The following MRI1 variants were observed in gnomAD, a reference collection of about 807,000 sequenced individuals.
The protein encoded by MRI1 is methylthioribose-1-phosphate isomerase 1, also known as methylthioribose-1-phosphate isomerase.
MRI1 carries 32 observed loss-of-function variants against 27.3 expected under a neutral mutation model. The ratio of observed to expected loss-of-function variants is 1.17; its 90% confidence interval spans 0.88 to 1.57. The LOEUF (loss-of-function observed/expected upper bound fraction) is 1.57, where lower values mean the gene tolerates loss of function less well. Ranked by LOEUF, MRI1 falls within the 40% of genes most tolerant of loss-of-function variation. MRI1 has a pLI of 0.00. For missense variants in MRI1, 508 were observed against 516.1 expected (o/e 0.98, Z 0.15); for synonymous variants, 216 against 227.4 (o/e 0.95, Z 0.45).
Position 13,768,947 on chromosome 19 carries a change from C to A in MRI1, c.848C>A (p.Ser283Tyr), listed in dbSNP as rs1463516884. 1 of 1,614,152 alleles carries A rather than the reference C, an allele frequency of 6.2e-7. No homozygotes were observed. The highest frequency in any genetic ancestry group is 1.1e-5 in the South Asian group (1 of 91,080). The change falls in exon 5 of 6, where the codon TCT becomes TAT. Residue 283 changes from serine (S) to tyrosine (Y), a missense_variant. By Grantham distance (144) the Ser-to-Tyr change is moderately radical (BLOSUM62 -2). Coordinates refer to ENST00000040663, the MANE Select transcript of MRI1 (RefSeq NM_001031727.4). ...CCCTTCTACGTGGCTGCCCCCAGCT[C>A]TTCATGTGACCTCCGTCTGGAGACC... is the stretch of plus-strand genomic sequence containing the variant. ...GIPFYVAAPS[S>Y]SCDLRLETGK... is the part of the protein sequence containing the mutation.
intron 2 of MRI1, 113 bp downstream of exon 2, chr19:13,765,222 C>G (rs1309676299): frequency 1.0e-5 from 9 of 893,958 alleles, no homozygotes; most frequent in Non-Finnish European, 1.4e-5. Flanking sequence ...CCTTAAGTCC[C>G]TTGTCCAGGG....
At chr19:13,768,371 G>C in intron 3 of MRI1, 190 bp from the exon 4 acceptor site, 1 of 1,473,554 alleles carries the variant, frequency 6.8e-7, no homozygotes, top group Non-Finnish European at 9.3e-7. Context: ...GTGAAACGGA[G>C]CTATGCGAGC....
At chr19:13,767,923 C>T (rs532366392) in intron 3 of MRI1, among the ~76,000 whole-genome samples, 3 of 127,500 alleles carry the variant, frequency 2.4e-5, no homozygotes, top group East Asian at 5.2e-4. Context: ...GGCTGGAGTG[C>T]AGTGGCGCAG....
chr19:13,767,033 ATATATTTTTTTTT>A (rs1231215621), intron 3 of MRI1, among the ~76,000 whole-genome samples: 10 of 17,196 alleles, frequency 5.8e-4, no homozygotes, highest in African/African-American at 2.7e-3. Flanking sequence ...ATATATATAT[ATATATTTTTTTTT>A]TTTTTTTTTT....
chr19:13,772,143 C>T lies in MRI1; in HGVS notation c.972C>T (p.Ala324=), dbSNP rs1285005530. 1.2e-6 allele frequency: 2 copies of T among 1,613,336 alleles called. No individual in the cohort carries two copies. The highest frequency in any genetic ancestry group is 1.1e-5 in the South Asian group (1 of 90,958). The change falls in exon 6 of 6, where the codon GCC becomes GCT. Residue 324 remains alanine, a synonymous_variant. Coordinates refer to ENST00000040663, the MANE Select transcript of MRI1 (RefSeq NM_001031727.4). Reference sequence around the variant, plus strand: ...CAGGGATTGGAGTTTGGAATCCTGCCTTCGATGTCACCCCCCACGACCTCA... The same window carrying T: ...CAGGGATTGGAGTTTGGAATCCTGCTTTCGATGTCACCCCCCACGACCTCA... ...AAPGIGVWNP[A]FDVTPHDLIT...
chr19:13,772,416 G>A lies in MRI1; in HGVS notation c.*135G>A, dbSNP rs770091366. ...GAGCTCAGACAGGGCCTTCCATCTAGAGCCCAGCACCTAGAGCCAGGCTGC... is the reference window on the plus strand; with the variant it reads ...GAGCTCAGACAGGGCCTTCCATCTAAAGCCCAGCACCTAGAGCCAGGCTGC... On this transcript the variant is annotated 3_prime_UTR_variant, in exon 6 of 6. Transcript: ENST00000040663. 1.2e-5 allele frequency: 10 copies of A among 805,788 alleles called. No individual in the cohort carries two copies. The highest frequency in any genetic ancestry group is 1.9e-5 in the Non-Finnish European group (10 of 526,976). 49.9% of individuals were successfully genotyped at this position (805,788 alleles called of 1,614,324 possible).
At chr19:13,766,494 G>T (rs1301751501) in intron 3 of MRI1, among the ~76,000 whole-genome samples, 1 of 152,186 alleles carries the variant, frequency 6.6e-6, no homozygotes, top group East Asian at 1.9e-4. Flanking sequence ...CATTCGATGG[G>T]CCCCGCCTGA....
intron 3 of MRI1, among the ~76,000 whole-genome samples, chr19:13,768,147 C>T (rs534640389): frequency 1.3e-5 from 2 of 151,930 alleles, no homozygotes; most frequent in East Asian, 1.9e-4. Flanking sequence ...GGATTACAGG[C>T]GTGAGCCACC....
chr19:13,765,147 AATTAT>A lies in MRI1; in HGVS notation c.371+42_371+46del, dbSNP rs781594590. On this transcript the variant is annotated intron_variant, in intron 2 of 5. Coordinates refer to ENST00000040663, the MANE Select transcript of MRI1 (RefSeq NM_001031727.4). Reference sequence around the variant, plus strand: ...GGTACCAGGCACGGCGCTGAGCAGGAATTATATTGACTCTTTTTAAGTACAGTGAC... The same window carrying A: ...GGTACCAGGCACGGCGCTGAGCAGGAATTGACTCTTTTTAAGTACAGTGAC... 9.0e-6 allele frequency: 13 copies of A among 1,447,604 alleles called. No homozygotes were observed. The East Asian group carries it at 3.5e-4, about 39-fold the overall frequency. 89.7% of individuals were successfully genotyped at this position (1,447,604 alleles called of 1,614,324 possible). A position where few individuals can be genotyped will look rare whatever the true frequency, so the allele number is the denominator to read the frequency against.
Position 13,766,036 on chromosome 19 carries a change from C to G in MRI1, c.454C>G (p.Leu152Val). ...TGGGGACCTAGGAGCCCGCCACCTC[C>G]TGGAGCGGGTGGCCCCCAGCGGTGG... is the stretch of plus-strand genomic sequence containing the variant. ...SIGDLGARHL[L>V]ERVAPSGGKV... is the part of the protein sequence containing the mutation. The change falls in exon 3 of 6, where the codon CTG becomes GTG. Residue 152 changes from leucine to valine, a missense_variant. Transcript: ENST00000040663. 6.2e-7 allele frequency: 1 copy of G among 1,613,262 alleles called. No homozygotes were observed. The highest frequency in any genetic ancestry group is 8.5e-7 in the Non-Finnish European group (1 of 1,179,868).
rs1047780284 is a variant in MRI1, at chr19:13,768,847, G to C, written c.748G>C (p.Val250Leu). Residue 250 changes from valine to leucine, a missense_variant, in exon 5 of 6, where the codon GTG becomes CTG. Transcript: ENST00000040663. ...VSAVVVGADR[V>L]VANGDTANKV... ...AGCTGTGGTCGTGGGAGCTGACCGC[G>C]TGGTTGCCAACGGCGACACAGCCAA... The C allele has an allele frequency of 6.2e-7, 1 of 1,610,292 alleles. No homozygotes were observed. The highest frequency in any genetic ancestry group is 2.2e-5 in the East Asian group (1 of 44,772).
In MRI1 at chr19:13,768,972, C is replaced by G. The variant is rs949111038; in HGVS notation, c.873C>G (p.Thr291=). Residue 291 remains threonine (T), a synonymous_variant, in exon 5 of 6, where the codon ACC becomes ACG. Coordinates refer to ENST00000040663, the MANE Select transcript of MRI1 (RefSeq NM_001031727.4). ...CTTCATGTGACCTCCGTCTGGAGACCGGCAAGGAGATCATTATTGAAGAGC... is the reference window on the plus strand; with the variant it reads ...CTTCATGTGACCTCCGTCTGGAGACGGGCAAGGAGATCATTATTGAAGAGC... ...PSSSCDLRLE[T]GKEIIIEERP... 1.2e-6 allele frequency: 2 copies of G among 1,613,922 alleles called. No individual in the cohort carries two copies. The highest frequency in any genetic ancestry group is 4.5e-5 in the East Asian group (2 of 44,896).
At chr19:13,768,527 C>G in intron 3 of MRI1, 34 bp from the exon 4 acceptor site, 1 of 1,596,194 alleles carries the variant, frequency 6.3e-7, no homozygotes, top group Non-Finnish European at 8.5e-7. Context: ...TGCCCCTCCC[C>G]GGGGCCTTCT....
chr19:13,772,455 C>A lies in MRI1; in HGVS notation c.*174C>A. On this transcript the variant is annotated 3_prime_UTR_variant, in exon 6 of 6. Coordinates refer to ENST00000040663, the MANE Select transcript of MRI1 (RefSeq NM_001031727.4). ...GAGCCAGGCTGCCCAGATTCAAATC[C>A]TGACTCCGCCACTTTTCCCACTGTA... is the stretch of plus-strand genomic sequence containing the variant. 2 of 567,002 alleles carry A rather than the reference C, an allele frequency of 3.5e-6. No individual in the cohort carries two copies. Among genetic ancestry groups the A allele is most frequent in the Non-Finnish European group, 6.1e-6 (2 of 327,596 alleles). The allele number at this position is 567,002 out of a possible 1,614,324, so 35.1% of individuals were successfully genotyped here. A position where few individuals can be genotyped will look rare whatever the true frequency, so the allele number is the denominator to read the frequency against.
At chr19:13,771,704 A>G (rs985750995) in intron 5 of MRI1, among the ~76,000 whole-genome samples, 8 of 152,030 alleles carry the variant, frequency 5.3e-5, no homozygotes, top group African/African-American at 1.9e-4. Context: ...TCTACTAAAA[A>G]TACTGGCTGG....
rs1273903899 is a variant in MRI1, at chr19:13,772,501, C to T, written c.*220C>T. 5 of 466,126 alleles carry T rather than the reference C, an allele frequency of 1.1e-5. No individual in the cohort carries two copies. Among genetic ancestry groups the T allele is most frequent in the Admixed American group, 7.8e-5 (2 of 25,794 alleles). 28.9% of individuals were successfully genotyped at this position (466,126 alleles called of 1,614,324 possible). ...CTGTATGATCTTGGGCAAGTCACTTCACCTCTCTGTGCCTTGGTTTCCTCA... is the reference window on the plus strand; with the variant it reads ...CTGTATGATCTTGGGCAAGTCACTTTACCTCTCTGTGCCTTGGTTTCCTCA... On this transcript the variant is annotated 3_prime_UTR_variant, in exon 6 of 6. Transcript: ENST00000040663.
rs775049375 is a variant in MRI1 at position 13,772,814 on chromosome 19, C to A, written c.*533C>A. 1.3e-5 allele frequency: 2 copies of A among 151,526 alleles called. No homozygotes were observed. Among genetic ancestry groups the A allele is most frequent in the African/African-American group, 4.9e-5 (2 of 41,212 alleles). The allele number at this position is 151,526 out of a possible 1,614,324, so 9.4% of individuals were successfully genotyped here. ...CTGCACTCCAGCCTGGGCAACAGAGCGAGACTCCGTCTCAAAAATAAATAT... is the reference window on the plus strand; with the variant it reads ...CTGCACTCCAGCCTGGGCAACAGAGAGAGACTCCGTCTCAAAAATAAATAT... On this transcript the variant is annotated 3_prime_UTR_variant, in exon 6 of 6. Coordinates refer to ENST00000040663, the MANE Select transcript of MRI1 (RefSeq NM_001031727.4).
At chr19:13,765,795 G>A (rs1358483699) in intron 2 of MRI1, among the ~76,000 whole-genome samples, 159 bp from the exon 3 acceptor site, 4 of 152,210 alleles carry the variant, frequency 2.6e-5, no homozygotes, top group Non-Finnish European at 5.9e-5. Flanking sequence ...TGAATGAACG[G>A]AGTGACACTT....
chr19:13,766,173 C>T, intron 3 of MRI1, 44 bp downstream of exon 3: 5 of 1,469,302 alleles, frequency 3.4e-6, no homozygotes, highest in South Asian at 2.8e-5. Context: ...CTTCTAGGAA[C>T]TTTTTTAGAT....
Sources: allele counts gnomAD v4.1 joint callset (sites outside exome capture counted in the v4.1 genomes callset), GRCh38; gene constraint gnomAD v4.1.1; transcripts MANE v1.5; gene names NCBI Gene and HGNC (gene_info 2026-07-23, HGNC 2026-07-21).